OXR1: variants seen among roughly 807,000 people sequenced by gnomAD.
OXR1 encodes the protein oxidation resistance 1, also known as oxidation resistance protein 1.
Under a neutral mutation model 104.6 loss-of-function variants are expected in OXR1, and 41 were observed. The ratio of observed to expected loss-of-function variants is 0.39; its 90% confidence interval spans 0.31 to 0.51. OXR1 has a LOEUF of 0.51. Ranked by LOEUF, OXR1 falls within the 20% of genes least tolerant of loss-of-function variation. OXR1 has a pLI of 0.77. For missense variants in OXR1, 955 were observed against 1,031.9 expected (o/e 0.93, Z 1.02); for synonymous variants, 348 against 348.4 (o/e 1.00, Z 0.01).
chr8:106,351,184 TTCAACAAA>T (rs1815710609), intron 1 of OXR1, among the ~76,000 whole-genome samples: 1 of 152,210 alleles, frequency 6.6e-6, no homozygotes, highest in Non-Finnish European at 1.5e-5. Flanking sequence ...TTATCATTTT[TTCAACAAA>T]TGTTGATTGA....
Position 106,597,434 on chromosome 8 carries a change from C to T in OXR1, c.220+78295C>T, listed in dbSNP as rs140685156. Among the ~76,000 whole-genome samples the T allele has an allele frequency of 1.9e-3, 286 of 152,226 alleles. 2 individuals carry two copies. The highest frequency in any genetic ancestry group is 6.5e-3 in the African/African-American group (270 of 41,520). On this transcript the variant is annotated intron_variant, in intron 3 of 16. Transcript: ENST00000517566. The stretch of plus-strand genomic sequence containing the variant: ...AAATAGATTTCTGTTCTTTGTAAGC[C>T]ACAATCATTTTATGATATTTTTGTT...
At chr8:106,445,916 C>T (rs562044781) in intron 2 of OXR1, among the ~76,000 whole-genome samples, 98 of 152,274 alleles carry the variant, frequency 6.4e-4, no homozygotes, top group Non-Finnish European at 1.1e-3. Context: ...ACTTTAATTT[C>T]GCCTGGGTTG....
At chr8:106,389,690 T>G (rs1207692994) in intron 2 of OXR1, among the ~76,000 whole-genome samples, 2 of 152,212 alleles carry the variant, frequency 1.3e-5, no homozygotes, top group Admixed American at 1.3e-4. Flanking sequence ...TATTTGATGA[T>G]GTATGCCTTC....
chr8:106,382,945 C>T (rs559371551), intron 2 of OXR1, among the ~76,000 whole-genome samples: 5 of 151,582 alleles, frequency 3.3e-5, no homozygotes, highest in African/African-American at 9.7e-5. Flanking sequence ...CTTAGCTACT[C>T]TGATTTTGTG....
chr8:106,738,065 T>C (rs1217994217), intron 12 of OXR1, among the ~76,000 whole-genome samples: 1 of 152,162 alleles, frequency 6.6e-6, no homozygotes. Context: ...TGAGGCATTC[T>C]TGGTTGGTAT....
At position 106,286,106 on chromosome 8, in the gene OXR1, G is replaced by A. The variant is rs565984362; in HGVS notation, c.-139+15739G>A. 1.4e-4 allele frequency among the ~76,000 whole-genome samples: 22 copies of A among 152,138 alleles called. 1 individual carries two copies. The highest frequency in any genetic ancestry group is 5.1e-4 in the African/African-American group (21 of 41,500). On this transcript the variant is annotated intron_variant, in intron 1 of 16. Transcript: ENST00000517566. ...GGTAAAATGATGACCTTATTCCCTG[G>A]GATTTTGACAGAACACTAAAAACAT... is the stretch of plus-strand genomic sequence containing the variant.
chr8:106,709,107 A>G (rs1186845553), intron 9 of OXR1, among the ~76,000 whole-genome samples: 3 of 152,146 alleles, frequency 2.0e-5, no homozygotes, highest in Non-Finnish European at 4.4e-5. Context: ...TTTGGCAAAC[A>G]TAGGAAGATT....
In OXR1 at chr8:106,519,028, A is replaced by G. The variant is rs1443732371; in HGVS notation, c.109A>G (p.Ser37Gly). The change falls in exon 3 of 17, where the codon AGT (serine) becomes GGT (glycine). Residue 37 changes from serine (S) to glycine (G), a missense_variant. By Grantham distance (56) the Ser-to-Gly change is moderately conservative. Around this residue, in one of 2 missense-constraint regions of OXR1, gnomAD observed 849 missense variants for 852.9 expected, o/e 1.00. Transcript: ENST00000517566. ...AGAGKQTPQA[S>G]KPPAPKTPII... ...TGCAGGAAAGCAAACACCACAAGCC[A>G]GTAAGCCCCCGGCACCCAAGACCCC... 1 of 1,551,886 alleles carries G rather than the reference A, an allele frequency of 6.4e-7. No individual in the cohort carries two copies. The highest frequency in any genetic ancestry group is 8.7e-7 in the Non-Finnish European group (1 of 1,147,012).
intron 3 of OXR1, among the ~76,000 whole-genome samples, chr8:106,542,138 T>C (rs1483664003): frequency 1.3e-5 from 2 of 152,142 alleles, no homozygotes; most frequent in African/African-American, 4.8e-5. Flanking sequence ...GAGGGCACAA[T>C]TATTTCACAA....
At chr8:106,602,627 T>C (rs1320093027) in intron 3 of OXR1, among the ~76,000 whole-genome samples, 2 of 152,218 alleles carry the variant, frequency 1.3e-5, no homozygotes, top group African/African-American at 4.8e-5. Context: ...ATTAATATTC[T>C]ATTTTACCAA....
intron 1 of OXR1, among the ~76,000 whole-genome samples, chr8:106,276,281 C>T (rs1157135926): frequency 2.6e-5 from 4 of 152,196 alleles, no homozygotes. Context: ...CTGAACTCAG[C>T]CTTCTGGATC....
At chr8:106,423,282 T>A (rs1818976183) in intron 2 of OXR1, among the ~76,000 whole-genome samples, 1 of 152,206 alleles carries the variant, frequency 6.6e-6, no homozygotes, top group South Asian at 2.1e-4. Context: ...ATCTCCAAAG[T>A]GCACACGATG....
chr8:106,717,512 T>C (rs977527629), intron 11 of OXR1, among the ~76,000 whole-genome samples: 19 of 152,198 alleles, frequency 1.2e-4, no homozygotes, highest in African/African-American at 4.3e-4. Context: ...TATCCCTGAC[T>C]GTTACTCAAG....
At chr8:106,633,605 C>T (rs1360635865) in intron 3 of OXR1, among the ~76,000 whole-genome samples, 2 of 152,078 alleles carry the variant, frequency 1.3e-5, no homozygotes, top group East Asian at 1.9e-4. Flanking sequence ...TATTTTTGGC[C>T]CTGATCATCT....
intron 3 of OXR1, chr8:106,581,371 G>C (rs532627257): frequency 4.4e-5 from 23 of 521,464 alleles, no homozygotes; most frequent in African/African-American, 4.2e-4. Context: ...TAACCAAATA[G>C]AGTATTATGC....
At chr8:106,714,797 GTTAA>G (rs978501439) in intron 11 of OXR1, among the ~76,000 whole-genome samples, 13 of 152,206 alleles carry the variant, frequency 8.5e-5, no homozygotes, top group African/African-American at 3.1e-4. Context: ...GTTTGTGGCT[GTTAA>G]TGTGATATGA....
chr8:106,421,792 A>C (rs948630312), intron 2 of OXR1, among the ~76,000 whole-genome samples: 1 of 64,224 alleles, frequency 1.6e-5, no homozygotes, highest in African/African-American at 1.0e-4. Flanking sequence ...TCAGCAGTAG[A>C]CTGGGAGAGG....
chr8:106,413,639 A>G (rs1818550807), intron 2 of OXR1, among the ~76,000 whole-genome samples: 1 of 152,130 alleles, frequency 6.6e-6, no homozygotes, highest in African/African-American at 2.4e-5. Flanking sequence ...CTAGTCTTCA[A>G]AGTAGATCCA....
chr8:106,362,602 T>C (rs990884276), intron 2 of OXR1, among the ~76,000 whole-genome samples: 1 of 152,060 alleles, frequency 6.6e-6, no homozygotes, highest in Non-Finnish European at 1.5e-5. Context: ...ACAGTCTCAG[T>C]TGGAAAAAAG....
Sources: allele counts gnomAD v4.1 joint callset (sites outside exome capture counted in the v4.1 genomes callset), GRCh38; gene constraint gnomAD v4.1.1; regional missense constraint gnomAD v4.1.1; transcripts MANE v1.5; gene names NCBI Gene and HGNC (gene_info 2026-07-23, HGNC 2026-07-21).